KCNIP1: variants seen among roughly 807,000 people sequenced by gnomAD.
KCNIP1 encodes the protein potassium voltage-gated channel interacting protein 1.
A neutral mutation model predicts 33.0 loss-of-function variants in KCNIP1; 18 were observed. That is an observed-to-expected ratio of 0.55 (90% CI 0.38 to 0.81). The LOEUF is 0.81. Among genes scored for constraint, KCNIP1 ranks in the 30% least tolerant of loss-of-function variants. KCNIP1 has a pLI of 0.00. For missense variants in KCNIP1, 238 were observed against 271.6 expected (o/e 0.88, Z 0.87); for synonymous variants, 93 against 98.3 (o/e 0.95, Z 0.32).
At chr5:170,419,111 G>A (rs1049005545) in intron 1 of KCNIP1, among the ~76,000 whole-genome samples, 29 of 152,332 alleles carry the variant, frequency 1.9e-4, no homozygotes, top group African/African-American at 5.3e-4. Flanking sequence ...TGTAAACGTC[G>A]TTGTCCAGGT....
upstream of KCNIP1, among the ~76,000 whole-genome samples, chr5:170,499,777 T>C (rs1757376883): frequency 2.0e-5 from 3 of 152,128 alleles, no homozygotes. Context: ...ACAGGGCTTG[T>C]GTGTTACATA....
chr5:170,442,023 A>G (rs1471189699), intron 1 of KCNIP1, among the ~76,000 whole-genome samples: 1 of 151,680 alleles, frequency 6.6e-6, no homozygotes, highest in Non-Finnish European at 1.5e-5. Context: ...CATAGCTGAT[A>G]CTCTATCCAG....
chr5:170,551,194 G>A (rs541051146), intron 1 of KCNIP1, among the ~76,000 whole-genome samples: 1 of 152,334 alleles, frequency 6.6e-6, no homozygotes, highest in South Asian at 2.1e-4. Flanking sequence ...GCTCAATGGT[G>A]AGAGCCTCTC....
intron 1 of KCNIP1, among the ~76,000 whole-genome samples, chr5:170,689,774 T>C (rs1441594340): frequency 6.6e-6 from 1 of 152,200 alleles, no homozygotes; most frequent in Non-Finnish European, 1.5e-5. Flanking sequence ...AGCTGAGATA[T>C]GCCCTCGGGA....
At chr5:170,375,156 T>C (rs920351041) in intron 1 of KCNIP1, 3 of 152,212 alleles carry the variant, frequency 2.0e-5, no homozygotes, top group African/African-American at 7.2e-5. Context: ...ACATGAAGCT[T>C]TACGAAATAA....
chr5:170,598,908 T>C (rs1450023030), intron 1 of KCNIP1, among the ~76,000 whole-genome samples: 18 of 138,730 alleles, frequency 1.3e-4, no homozygotes, highest in African/African-American at 2.8e-4. Flanking sequence ...TGTGCGCGTG[T>C]GTGTGTGTGT....
intron 1 of KCNIP1, among the ~76,000 whole-genome samples, chr5:170,627,420 A>G (rs547216034): frequency 6.6e-6 from 1 of 152,210 alleles, no homozygotes; most frequent in Admixed American, 6.5e-5. Context: ...CACACCTGCC[A>G]ATGCCGGGGC....
chr5:170,622,396 C>G (rs1759638167), intron 1 of KCNIP1, among the ~76,000 whole-genome samples: 1 of 151,942 alleles, frequency 6.6e-6, no homozygotes, highest in Admixed American at 6.6e-5. Context: ...CTGAGGCAGG[C>G]AGATCACTTG....
intron 1 of KCNIP1, among the ~76,000 whole-genome samples, chr5:170,442,933 C>A (rs1756027115): frequency 6.6e-6 from 1 of 152,172 alleles, no homozygotes; most frequent in Non-Finnish European, 1.5e-5. Flanking sequence ...TGGACAGGTC[C>A]TGGAATCAGC....
chr5:170,730,707 C>T (rs909261762), intron 5 of KCNIP1, among the ~76,000 whole-genome samples: 1 of 152,158 alleles, frequency 6.6e-6, no homozygotes, highest in East Asian at 1.9e-4. Flanking sequence ...AGTACCTAGA[C>T]TTTGATTTCT....
chr5:170,367,412 A>AGAAAGGAAAGAAAGAAAGAAAGAAAG (rs1763712809), intron 1 of KCNIP1, among the ~76,000 whole-genome samples: 13 of 104,106 alleles, frequency 1.2e-4, no homozygotes, highest in African/African-American at 1.8e-4. Flanking sequence ...AAAGAAAGAA[A>AGAAAGGAAAGAAAGAAAGAAAGAAAG]GAAAGAAAGG....
intron 1 of KCNIP1, among the ~76,000 whole-genome samples, chr5:170,542,398 G>T (rs1756246431): frequency 6.6e-6 from 1 of 152,154 alleles, no homozygotes; most frequent in Admixed American, 6.5e-5. Context: ...GTCCCATAGA[G>T]TTGCTACAAA....
intron 1 of KCNIP1, among the ~76,000 whole-genome samples, chr5:170,672,134 A>C (rs1364057667): frequency 6.6e-6 from 1 of 152,192 alleles, no homozygotes; most frequent in Non-Finnish European, 1.5e-5. Context: ...CAGCATATGC[A>C]AAGGCTCAGA....
chr5:170,504,381 T>C lies in KCNIP1; in HGVS notation c.-192T>C. 3 of 1,432,528 alleles carry C rather than the reference T, an allele frequency of 2.1e-6. No individual in the cohort carries two copies. Among genetic ancestry groups the C allele is most frequent in the Non-Finnish European group, 2.7e-6 (3 of 1,098,710 alleles). 88.7% of individuals were successfully genotyped at this position (1,432,528 alleles called of 1,614,324 possible). ...GAGCGGCTAGCCCTGAGTCCCTGCA[T>C]GTGCGGGGCTGAAGAAGGAAGCCAG... On this transcript the variant is annotated 5_prime_UTR_variant, in exon 1 of 8. An upstream start codon of the reference 5' UTR is lost. Coordinates refer to ENST00000328939, the MANE Select transcript of KCNIP1 (RefSeq NM_014592.4). The surrounding 1 kb of genome is among the most constrained non-coding windows in gnomAD (Gnocchi z 6.0).
At chr5:170,569,448 C>T (rs1242254035) in intron 1 of KCNIP1, among the ~76,000 whole-genome samples, 5 of 152,252 alleles carry the variant, frequency 3.3e-5, no homozygotes, top group Admixed American at 6.5e-5. Flanking sequence ...GAGGGCAGTC[C>T]AGGTTCCTAT....
chr5:170,363,614 C>T (rs1006675717), intron 1 of KCNIP1, among the ~76,000 whole-genome samples: 1 of 152,192 alleles, frequency 6.6e-6, no homozygotes, highest in Admixed American at 6.5e-5. Context: ...ACCCAGTCTG[C>T]GACATTCGAT....
At chr5:170,554,476 G>A (rs753573287) in intron 1 of KCNIP1, among the ~76,000 whole-genome samples, 8 of 152,164 alleles carry the variant, frequency 5.3e-5, no homozygotes, top group East Asian at 1.9e-4. Flanking sequence ...GTATAAAATT[G>A]GGCCAGGATG....
chr5:170,621,591 G>A (rs893755899), intron 1 of KCNIP1, among the ~76,000 whole-genome samples: 80 of 152,240 alleles, frequency 5.3e-4, no homozygotes, highest in African/African-American at 1.7e-3. Flanking sequence ...GCTCACTGCA[G>A]CCTTAAACTC....
intron 1 of KCNIP1, among the ~76,000 whole-genome samples, chr5:170,407,416 T>C (rs1015971973): frequency 6.6e-6 from 1 of 152,264 alleles, no homozygotes; most frequent in Non-Finnish European, 1.5e-5. Flanking sequence ...ATACTTTTAT[T>C]TCCTTCTATC....
Sources: gnomAD v4.1 joint callset for allele counts (sites outside exome capture counted in the v4.1 genomes callset) on GRCh38, gnomAD v4.1.1 for gene constraint, Gnocchi (gnomAD v3.1) non-coding constraint, MANE v1.5 for transcripts, NCBI Gene and HGNC (gene_info 2026-07-23, HGNC 2026-07-21) for gene names.